CYP27C1: variants seen among roughly 807,000 people sequenced by gnomAD.
The protein encoded by CYP27C1 is cytochrome P450 family 27 subfamily C member 1.
CYP27C1 carries 29 observed loss-of-function variants against 40.6 expected under a neutral mutation model. The ratio of observed to expected loss-of-function variants is 0.71; its 90% CI spans 0.53 to 0.97. The LOEUF (loss-of-function observed/expected upper bound fraction) is 0.97. CYP27C1 is among the 50% of genes least tolerant of loss of function. The pLI is 0.00. For missense variants in CYP27C1, 390 were observed against 485.8 expected (o/e 0.80, Z 1.85); for synonymous variants, 198 against 186.8 (o/e 1.06, Z -0.49).
intron 1 of CYP27C1, among the ~76,000 whole-genome samples, chr2:127,217,764 G>A (rs1450218656): frequency 6.6e-6 from 1 of 152,212 alleles, no homozygotes; most frequent in Non-Finnish European, 1.5e-5. Context: ...AACACTAAGA[G>A]CCCTTGTTTA....
intron 2 of CYP27C1, 125 bp downstream of exon 2, chr2:127,205,775 A>G (rs1405021804): frequency 2.0e-6 from 2 of 984,802 alleles, no homozygotes; most frequent in Non-Finnish European, 2.4e-6. Flanking sequence ...ACTGTCTGAT[A>G]TCATTCCATG....
At chr2:127,194,342 T>C (rs1046048776) in intron 6 of CYP27C1, among the ~76,000 whole-genome samples, 4 of 152,202 alleles carry the variant, frequency 2.6e-5, no homozygotes, top group African/African-American at 4.8e-5. Flanking sequence ...TTTTTTAATT[T>C]TGAGGTTCAA....
At chr2:127,204,302 AAAGG>A (rs758547817) in intron 2 of CYP27C1, among the ~76,000 whole-genome samples, 26 of 76,610 alleles carry the variant, frequency 3.4e-4, no homozygotes, top group South Asian at 1.2e-3. Context: ...GAGAGAGAGA[AAAGG>A]AAGGAAGGAA....
intron 8 of CYP27C1, among the ~76,000 whole-genome samples, chr2:127,191,641 C>T (rs1223223153): frequency 6.6e-6 from 1 of 152,254 alleles, no homozygotes; most frequent in Non-Finnish European, 1.5e-5. Flanking sequence ...GTTTTTACTC[C>T]TCACACACCT....
chr2:127,204,499 AGG>A (rs1185755677), intron 2 of CYP27C1, among the ~76,000 whole-genome samples: 1 of 110,622 alleles, frequency 9.0e-6, no homozygotes, highest in African/African-American at 3.3e-5. Flanking sequence ...GAAGGAAGGA[AGG>A]AAGGAAAGAA....
At chr2:127,194,970 C>T (rs1166369884) in intron 6 of CYP27C1, among the ~76,000 whole-genome samples, 1 of 152,014 alleles carries the variant, frequency 6.6e-6, no homozygotes, top group Admixed American at 6.6e-5. Flanking sequence ...GCTGGGACTA[C>T]AGGTGCCTAC....
At chr2:127,187,450 T>C in intron 8 of CYP27C1, 63 bp from the exon 9 acceptor site, 2 of 1,402,710 alleles carry the variant, frequency 1.4e-6, no homozygotes, top group Middle Eastern at 3.6e-4. Context: ...CAGTGCTCCC[T>C]GAATGCTTTT....
chr2:127,187,303 G>A lies in CYP27C1; in HGVS notation c.1582C>T (p.Pro528Ser). ...CTGTTAACAAATCGCACGTGGATGG[G>A]CCCCCCTGGCGTCAGGAGCCCGTGG... is the stretch of plus-strand genomic sequence containing the variant. The part of the protein sequence containing the change: ...KTHGLLTPGG[P>S]IHVRFVNRK The change falls in exon 9 of 9, where the codon CCC (proline) becomes TCC (serine). Residue 528 changes from proline to serine, a missense_variant. Pro to Ser is a moderately conservative substitution (Grantham distance 74). Transcript: ENST00000664447. 3 of 1,614,090 alleles carry A rather than the reference G, an allele frequency of 1.9e-6. No homozygotes were observed. Among genetic ancestry groups the A allele is most frequent in the Non-Finnish European group, 2.5e-6 (3 of 1,179,988 alleles).
intron 1 of CYP27C1, among the ~76,000 whole-genome samples, chr2:127,217,101 C>T (rs1683444188): frequency 6.6e-6 from 1 of 152,214 alleles, no homozygotes; most frequent in Admixed American, 6.5e-5. Flanking sequence ...CAAGCAAATC[C>T]AGCTACTGAA....
rs1259403450 is a variant in CYP27C1, at chr2:127,195,798, T to C, written c.1048-297A>G. 1.3e-5 allele frequency among the ~76,000 whole-genome samples: 2 copies of C among 152,192 alleles called. No homozygotes were observed. The highest frequency in any genetic ancestry group is 2.9e-5 in the Non-Finnish European group (2 of 68,034). ...TGATCCTGGAGCTTTTTTTAATCAC[T>C]GAAGAGCAATATGTCAGGGATGCCG... is the stretch of plus-strand genomic sequence containing the variant. On this transcript the variant is annotated intron_variant, in intron 5 of 8. Coordinates refer to ENST00000664447, the MANE Select transcript of CYP27C1 (RefSeq NM_001367502.1). This position sits in a 1 kb window ranked among gnomAD's most constrained non-coding sequence, Gnocchi z 6.2.
At chr2:127,213,542 C>G (rs188514782) in intron 1 of CYP27C1, among the ~76,000 whole-genome samples, 1 of 152,106 alleles carries the variant, frequency 6.6e-6, no homozygotes. Context: ...CTTTGACAAA[C>G]CTGACAAAAA....
At chr2:127,217,437 AC>A (rs1366069822) in intron 1 of CYP27C1, among the ~76,000 whole-genome samples, 1 of 152,236 alleles carries the variant, frequency 6.6e-6, no homozygotes, top group East Asian at 1.9e-4. Context: ...CAGTTTCATA[AC>A]ACTAAGCTCA....
In CYP27C1 at chr2:127,195,137, A is replaced by T. The variant is rs1159786936; in HGVS notation, c.1214+198T>A. ...CACTGTGCCTGGCCCAAAGATCTTTACAGAGAACAAGGATTATGTCGACCC... is the reference window on the plus strand; with the variant it reads ...CACTGTGCCTGGCCCAAAGATCTTTTCAGAGAACAAGGATTATGTCGACCC... On this transcript the variant is annotated intron_variant, in intron 6 of 8. Coordinates refer to ENST00000664447, the MANE Select transcript of CYP27C1 (RefSeq NM_001367502.1). The surrounding 1 kb of genome is among the most constrained non-coding windows in gnomAD (Gnocchi z 6.2). Among the ~76,000 whole-genome samples, 1 of 152,144 alleles carries T rather than the reference A, an allele frequency of 6.6e-6. No individual in the cohort carries two copies. Among genetic ancestry groups the T allele is most frequent in the Admixed American group, 6.5e-5 (1 of 15,276 alleles).
intron 1 of CYP27C1, among the ~76,000 whole-genome samples, chr2:127,213,724 C>T (rs568167575): frequency 7.9e-5 from 12 of 152,226 alleles, no homozygotes; most frequent in African/African-American, 2.4e-4. Context: ...TAGAAGAAAA[C>T]CTAGGCAATA....
In CYP27C1 at chr2:127,201,335, G is replaced by T; in HGVS notation, c.674-4C>A. On this transcript the variant is annotated splice_polypyrimidine_tract_variant and splice_region_variant and intron_variant, in intron 3 of 8. Coordinates refer to ENST00000664447, the MANE Select transcript of CYP27C1 (RefSeq NM_001367502.1). This position sits in a 1 kb window ranked among gnomAD's most constrained non-coding sequence, Gnocchi z 6.0. ...TCATAAAGGATGGTGGCCACTCCTA[G>T]ACAGGAAAGAGAATTTGAAAACCCT... The T allele has an allele frequency of 6.2e-7, 1 of 1,610,324 alleles. No homozygotes were observed. Among genetic ancestry groups the T allele is most frequent in the Non-Finnish European group, 8.5e-7 (1 of 1,177,636 alleles).
At chr2:127,197,805 G>T (rs568488363) in intron 5 of CYP27C1, among the ~76,000 whole-genome samples, 1 of 152,076 alleles carries the variant, frequency 6.6e-6, no homozygotes, top group South Asian at 2.1e-4. Context: ...ATTTTCACAC[G>T]TATCCTATTA....
At chr2:127,188,271 G>T (rs1682680154) in intron 8 of CYP27C1, among the ~76,000 whole-genome samples, 1 of 152,128 alleles carries the variant, frequency 6.6e-6, no homozygotes, top group African/African-American at 2.4e-5. Flanking sequence ...ACCCAGAATG[G>T]GCTGGGGCTC....
At chr2:127,210,495 A>T (rs530831777) in intron 1 of CYP27C1, among the ~76,000 whole-genome samples, 1 of 152,348 alleles carries the variant, frequency 6.6e-6, no homozygotes, top group South Asian at 2.1e-4. Context: ...TGACAGGATC[A>T]AATTCGCACA....
intron 8 of CYP27C1, among the ~76,000 whole-genome samples, chr2:127,188,274 T>A (rs1682680454): frequency 6.6e-6 from 1 of 152,184 alleles, no homozygotes; most frequent in African/African-American, 2.4e-5. Context: ...CAGAATGGGC[T>A]GGGGCTCCAG....
Sources: allele counts gnomAD v4.1 joint callset (sites outside exome capture counted in the v4.1 genomes callset), GRCh38; gene constraint gnomAD v4.1.1; non-coding constraint Gnocchi (gnomAD v3.1); transcripts MANE v1.5; gene names NCBI Gene and HGNC (gene_info 2026-07-23, HGNC 2026-07-21).